The following DISP3 variants were observed in gnomAD, a reference collection of about 807,000 sequenced individuals.
DISP3 encodes the protein protein dispatched homolog 3.
Under a neutral mutation model 135.3 loss-of-function variants are expected in DISP3, and 101 were observed. The ratio of observed to expected loss-of-function variants is 0.75; its 90% CI spans 0.64 to 0.88. DISP3 has a LOEUF of 0.88. DISP3 is among the 40% of genes least tolerant of loss of function. DISP3 has a pLI of 0.00. For synonymous variants in DISP3, 856 were observed against 817.0 expected, an observed-to-expected ratio of 1.05 and a Z score of -0.81; for missense variants, 1,713 against 1,878.6, an observed-to-expected ratio of 0.91 and a Z score of 1.63.
chr1:11,493,776 C>G (rs543558526), intron 1 of DISP3, among the ~76,000 whole-genome samples: 1 of 152,122 alleles, frequency 6.6e-6, no homozygotes, highest in South Asian at 2.1e-4. Context: ...CACACACACC[C>G]AGAATCATGT....
At chr1:11,512,799 A>T (rs1048731783) in intron 3 of DISP3, among the ~76,000 whole-genome samples, 10 of 152,282 alleles carry the variant, frequency 6.6e-5, no homozygotes, top group African/African-American at 2.4e-4. Context: ...ACTGAAACTG[A>T]GAACAAAAAG....
chr1:11,499,441 T>G lies in DISP3; in HGVS notation c.-3-1549T>G, dbSNP rs1356107563. Among the ~76,000 whole-genome samples, 3 of 152,080 alleles carry G rather than the reference T, an allele frequency of 2.0e-5. No homozygotes were observed. The highest frequency in any genetic ancestry group is 4.8e-5 in the African/African-American group (2 of 41,396). On this transcript the variant is annotated intron_variant, in intron 1 of 20. Coordinates refer to ENST00000294484, the MANE Select transcript of DISP3 (RefSeq NM_020780.2). This position sits in a 1 kb window ranked among gnomAD's most constrained non-coding sequence, Gnocchi z 5.2. ...GGAGATGGGGTGAGTCTGAGCTGCCTCCAGTGCGAATACAAATCGGGACTC... is the reference window on the plus strand; with the variant it reads ...GGAGATGGGGTGAGTCTGAGCTGCCGCCAGTGCGAATACAAATCGGGACTC...
intron 1 of DISP3, among the ~76,000 whole-genome samples, chr1:11,492,246 C>T (rs1641208974): frequency 6.6e-6 from 1 of 152,030 alleles, no homozygotes; most frequent in African/African-American, 2.4e-5. Flanking sequence ...CGGGTTCTGT[C>T]CCACTGAGCC....
rs1642522032 is a variant in DISP3 at position 11,529,656 on chromosome 1, A to G, written c.2899A>G (p.Lys967Glu). ...LLSSSPDGPT[K>E]GFFFVPSEKV... is the part of the protein sequence containing the mutation. Reference sequence around the variant, plus strand: ...TAGCTCCAGCCCCGATGGGCCTACCAAAGGCTTCTTCTTCGTGCCTAGTGA... The same window carrying G: ...TAGCTCCAGCCCCGATGGGCCTACCGAAGGCTTCTTCTTCGTGCCTAGTGA... Residue 967 changes from lysine (K) to glutamate (E), a missense_variant, in exon 14 of 21, where the codon AAA becomes GAA. Around this residue, in one of 2 missense-constraint regions of DISP3, gnomAD observed 1,142 missense variants for 1,384.6 expected, o/e 0.82. Coordinates refer to ENST00000294484, the MANE Select transcript of DISP3 (RefSeq NM_020780.2). The surrounding 1 kb of genome is among the most constrained non-coding windows in gnomAD (Gnocchi z 4.7). 9 of 1,608,428 alleles carry G rather than the reference A, an allele frequency of 5.6e-6. No individual in the cohort carries two copies. The highest frequency in any genetic ancestry group is 2.7e-5 in the African/African-American group (2 of 74,816).
In DISP3 at chr1:11,537,249, C is replaced by T. The variant is rs113710068; in HGVS notation, c.*563C>T. On this transcript the variant is annotated 3_prime_UTR_variant, in exon 21 of 21. Coordinates refer to ENST00000294484, the MANE Select transcript of DISP3 (RefSeq NM_020780.2). ...CCCGCAACCCTCCCCTTCAGCTTTA[C>T]GGCGGCCAGTGCTGAATGGCCCTGT... The T allele has an allele frequency of 0.019, 2,667 of 143,162 alleles. 67 individuals are homozygous for T. The highest frequency in any genetic ancestry group is 0.062 in the African/African-American group (2,481 of 39,914). 8.9% of individuals were successfully genotyped at this position (143,162 alleles called of 1,614,324 possible).
At position 11,501,532 on chromosome 1, in the gene DISP3, C is replaced by T; in HGVS notation, c.540C>T (p.Leu180=). Reference sequence around the variant, plus strand: ...CCCGCGTCATCCCCGCGGCCTCACTCGGTGGCCCAGGCCCTTACCGGGACA... The same window carrying T: ...CCCGCGTCATCCCCGCGGCCTCACTTGGTGGCCCAGGCCCTTACCGGGACA... ...RAPRVIPAAS[L]GGPGPYRDTS... is the part of the protein sequence containing the mutation. The change falls in exon 2 of 21, where the codon CTC becomes CTT. Residue 180 remains leucine (L), a synonymous_variant. Coordinates refer to ENST00000294484, the MANE Select transcript of DISP3 (RefSeq NM_020780.2). The surrounding 1 kb of genome is among the most constrained non-coding windows in gnomAD (Gnocchi z 4.9). 2 of 1,599,622 alleles carry T rather than the reference C, an allele frequency of 1.3e-6. No homozygotes were observed. The highest frequency in any genetic ancestry group is 1.7e-6 in the Non-Finnish European group (2 of 1,172,948).
intron 5 of DISP3, 49 bp from the exon 6 acceptor site, chr1:11,515,952 T>C: frequency 6.3e-7 from 1 of 1,597,694 alleles, no homozygotes; most frequent in Admixed American, 1.7e-5. Flanking sequence ...GGCCTAATCC[T>C]GGAGACAGCA....
intron 5 of DISP3, among the ~76,000 whole-genome samples, chr1:11,515,776 G>T (rs1200741020): frequency 1.3e-5 from 2 of 152,098 alleles, no homozygotes; most frequent in African/African-American, 2.4e-5. Context: ...GGGGGAAGGC[G>T]CCTAGCTCTG....
chr1:11,486,208 T>TGTAGACACAG (rs1358958447), intron 1 of DISP3, among the ~76,000 whole-genome samples: 1 of 152,202 alleles, frequency 6.6e-6, no homozygotes, highest in East Asian at 1.9e-4. Flanking sequence ...CTTGCACCCC[T>TGTAGACACAG]CTGGACATGA....
At chr1:11,505,470 G>C (rs993610557) in intron 3 of DISP3, among the ~76,000 whole-genome samples, 5 of 152,218 alleles carry the variant, frequency 3.3e-5, no homozygotes, top group Non-Finnish European at 5.9e-5. Context: ...TAGCTGCTGA[G>C]ACAAATCCCT....
chr1:11,495,523 G>C (rs753159142), intron 1 of DISP3, among the ~76,000 whole-genome samples: 12 of 152,334 alleles, frequency 7.9e-5, no homozygotes, highest in Non-Finnish European at 1.3e-4. Flanking sequence ...GGATGGAGTA[G>C]AGTGAAAACT....
At chr1:11,479,574 A>C (rs937951942) in intron 1 of DISP3, among the ~76,000 whole-genome samples, 1 of 152,258 alleles carries the variant, frequency 6.6e-6, no homozygotes, top group Admixed American at 6.5e-5. Flanking sequence ...ACAGAACCCA[A>C]GCTTGCCCTC....
At chr1:11,490,801 C>T (rs1028488768) in intron 1 of DISP3, among the ~76,000 whole-genome samples, 3 of 152,130 alleles carry the variant, frequency 2.0e-5, no homozygotes, top group Non-Finnish European at 2.9e-5. Context: ...TCCAGCTCAG[C>T]TCTGTAAGCA....
intron 1 of DISP3, among the ~76,000 whole-genome samples, chr1:11,486,169 C>T (rs1641030757): frequency 6.6e-6 from 1 of 152,212 alleles, no homozygotes; most frequent in Admixed American, 6.5e-5. Flanking sequence ...ATGTTTCCCC[C>T]TTTTCCTTCC....
At chr1:11,518,635 C>G (rs1435994634) in intron 7 of DISP3, among the ~76,000 whole-genome samples, 1 of 152,242 alleles carries the variant, frequency 6.6e-6, no homozygotes, top group African/African-American at 2.4e-5. Flanking sequence ...CCCAGTCAGT[C>G]AGATGTGGGC....
intron 3 of DISP3, 143 bp downstream of exon 3, chr1:11,503,040 C>A (rs900131271): frequency 8.1e-5 from 59 of 726,434 alleles, no homozygotes; most frequent in Non-Finnish European, 4.2e-5. Context: ...CCAAGTACAT[C>A]CTTGCAGTCT....
rs1641588640 is a variant in DISP3, at chr1:11,502,827, G to A, written c.1246G>A (p.Glu416Lys). The A allele has an allele frequency of 2.5e-6, 4 of 1,614,124 alleles. No individual in the cohort carries two copies. Among genetic ancestry groups the A allele is most frequent in the Middle Eastern group, 1.6e-4 (1 of 6,078 alleles). Residue 416 changes from glutamate (E) to lysine (K), a missense_variant, in exon 3 of 21, where the codon GAG (glutamate) becomes AAG (lysine). By Grantham distance (56) the Glu-to-Lys change is moderately conservative. This residue lies in a region of DISP3 where 1,142 missense variants were observed against 1,384.6 expected (regional missense o/e 0.82). Transcript: ENST00000294484. Reference protein sequence around the residue: ...PNYYSVDDRWEEQRAKFQSFV... With the variant: ...PNYYSVDDRWKEQRAKFQSFV... ...CTACTACTCAGTAGATGACCGCTGG[G>A]AGGAACAACGGGCTAAGTTTCAGAG...
chr1:11,490,504 G>A (rs1641154337), intron 1 of DISP3, among the ~76,000 whole-genome samples: 1 of 152,110 alleles, frequency 6.6e-6, no homozygotes, highest in South Asian at 2.1e-4. Context: ...CCTGACCTCG[G>A]GTGATCTGCC....
Position 11,536,759 on chromosome 1 carries a change from T to G in DISP3, c.*73T>G. 1 of 1,445,702 alleles carries G rather than the reference T, an allele frequency of 6.9e-7. No individual in the cohort carries two copies. Among genetic ancestry groups the G allele is most frequent in the Non-Finnish European group, 9.1e-7 (1 of 1,103,080 alleles). The allele number at this position is 1,445,702 out of a possible 1,614,324, so 89.6% of individuals were successfully genotyped here. ...GACAGGAGCTGCTTCCCAGCTCGACTTCAGCTAGCTGTGTCCCCAGGCCTG... is the reference window on the plus strand; with the variant it reads ...GACAGGAGCTGCTTCCCAGCTCGACGTCAGCTAGCTGTGTCCCCAGGCCTG... On this transcript the variant is annotated 3_prime_UTR_variant, in exon 21 of 21. Transcript: ENST00000294484. The surrounding 1 kb of genome is among the most constrained non-coding windows in gnomAD (Gnocchi z 4.3).
Sources: allele counts gnomAD v4.1 joint callset (sites outside exome capture counted in the v4.1 genomes callset), GRCh38; gene constraint gnomAD v4.1.1; regional missense constraint gnomAD v4.1.1; non-coding constraint Gnocchi (gnomAD v3.1); transcripts MANE v1.5; gene names NCBI Gene and HGNC (gene_info 2026-07-23, HGNC 2026-07-21).